Variants in PRIM2 observed in about 807,000 individuals in gnomAD.
The protein encoded by PRIM2 is DNA primase subunit 2, also known as DNA primase large subunit.
Under a neutral mutation model 67.3 loss-of-function variants are expected in PRIM2, and 39 were observed. The observed-to-expected ratio is 0.58, with a 90% CI of 0.45 to 0.76. The LOEUF (loss-of-function observed/expected upper bound fraction) is 0.76, where lower values mean the gene tolerates loss of function less well. Ranked by LOEUF, PRIM2 falls within the 30% of genes least tolerant of loss-of-function variation. The pLI, the probability that PRIM2 is intolerant of heterozygous loss-of-function variation, is 0.00. For missense variants in PRIM2, 398 were observed against 598.7 expected (o/e 0.66, Z 3.50); for synonymous variants, 143 against 198.7 (o/e 0.72, Z 2.36).
the PRIM2 span, among the ~76,000 whole-genome samples, chr6:57,254,833 G>A: frequency 2.2e-4 from 33 of 152,288 alleles, no homozygotes; most frequent in African/African-American, 6.7e-4. Flanking sequence ...GGCTCCAGAG[G>A]AAGGTCTTCA....
At chr6:57,561,100 T>A (rs1775618021) in intron 10 of PRIM2, among the ~76,000 whole-genome samples, 1 of 152,228 alleles carries the variant, frequency 6.6e-6, no homozygotes, top group Non-Finnish European at 1.5e-5. Context: ...CTTTGTCATC[T>A]TAGCTAGTTC....
intron 7 of PRIM2, among the ~76,000 whole-genome samples, chr6:57,416,719 C>G (rs1771275290): frequency 6.6e-6 from 1 of 152,180 alleles, no homozygotes; most frequent in African/African-American, 2.4e-5. Flanking sequence ...TTCTGAAGCT[C>G]TTGCTGCTTC....
intron 10 of PRIM2, among the ~76,000 whole-genome samples, chr6:57,595,463 C>T (rs1391165626): frequency 6.6e-6 from 1 of 152,040 alleles, no homozygotes; most frequent in Non-Finnish European, 1.5e-5. Flanking sequence ...AACTAGAGCT[C>T]GTGCAGATCT....
intron 5 of PRIM2, among the ~76,000 whole-genome samples, chr6:57,364,550 G>A (rs1191280126): frequency 6.6e-6 from 1 of 152,150 alleles, no homozygotes; most frequent in Non-Finnish European, 1.5e-5. Flanking sequence ...GCTTTGCTCA[G>A]TGACAAGTCA....
At chr6:57,569,901 G>A (rs1364126734) in intron 10 of PRIM2, among the ~76,000 whole-genome samples, 6 of 152,080 alleles carry the variant, frequency 3.9e-5, no homozygotes, top group Non-Finnish European at 7.4e-5. Context: ...GTGCCACCAC[G>A]CCCAGCTAAT....
chr6:57,364,604 C>G (rs1277279298), intron 5 of PRIM2, among the ~76,000 whole-genome samples: 1 of 152,064 alleles, frequency 6.6e-6, no homozygotes. Context: ...GATGGTGGGT[C>G]AATTCTAGTT....
chr6:57,429,472 C>A (rs1478594545), intron 7 of PRIM2, among the ~76,000 whole-genome samples: 1 of 152,124 alleles, frequency 6.6e-6, no homozygotes, highest in Non-Finnish European at 1.5e-5. Flanking sequence ...AAGGCCCAGT[C>A]AGAAAGAGGA....
At chr6:57,427,825 G>A (rs1374823119) in intron 7 of PRIM2, among the ~76,000 whole-genome samples, 2 of 152,110 alleles carry the variant, frequency 1.3e-5, no homozygotes, top group African/African-American at 2.4e-5. Context: ...CAGAATTCTT[G>A]AATCCTTTAT....
the PRIM2 span, among the ~76,000 whole-genome samples, chr6:57,298,218 G>A: frequency 1.6e-4 from 24 of 152,072 alleles, no homozygotes; most frequent in East Asian, 5.8e-4. Context: ...AAAATTAACC[G>A]GGCATGGTGG....
At chr6:57,539,584 GTGTC>G (rs1393693438) in intron 10 of PRIM2, among the ~76,000 whole-genome samples, 1 of 151,350 alleles carries the variant, frequency 6.6e-6, no homozygotes, top group African/African-American at 2.4e-5. Flanking sequence ...GTGTGTGTGT[GTGTC>G]AATTATAGTT....
intron 7 of PRIM2, among the ~76,000 whole-genome samples, chr6:57,454,813 C>T (rs1772702084): frequency 6.6e-6 from 1 of 152,070 alleles, no homozygotes; most frequent in African/African-American, 2.4e-5. Flanking sequence ...TTAATTATTT[C>T]TTGCCTTCTG....
At chr6:57,541,471 G>T (rs1476066193) in intron 10 of PRIM2, among the ~76,000 whole-genome samples, 3 of 152,060 alleles carry the variant, frequency 2.0e-5, no homozygotes, top group Non-Finnish European at 4.4e-5. Flanking sequence ...GTGAATATAT[G>T]TAATATTCAA....
chr6:57,473,232 T>C (rs1169613817), intron 7 of PRIM2, among the ~76,000 whole-genome samples: 39 of 152,288 alleles, frequency 2.6e-4, no homozygotes, highest in African/African-American at 8.9e-4. Flanking sequence ...TGTTTAACAT[T>C]GTAGGGTGAT....
chr6:57,315,436 T>TAC (rs1491229965), upstream of PRIM2, among the ~76,000 whole-genome samples: 1 of 152,144 alleles, frequency 6.6e-6, no homozygotes, highest in African/African-American at 2.4e-5. Context: ...TTTAAAGAAC[T>TAC]ACACCATATG....
At chr6:57,514,278 A>G (rs1442555369) in intron 8 of PRIM2, among the ~76,000 whole-genome samples, 2 of 152,176 alleles carry the variant, frequency 1.3e-5, no homozygotes, top group African/African-American at 4.8e-5. Context: ...TTACTATCCA[A>G]AGTGGTACAG....
intron 5 of PRIM2, among the ~76,000 whole-genome samples, chr6:57,353,139 C>CA (rs57281233): frequency 0.12 from 6,880 of 57,368 alleles, 261 homozygotes; most frequent in African/African-American, 0.19. Flanking sequence ...GGTGAAATCC[C>CA]AAAAAAAAAA....
intron 5 of PRIM2, among the ~76,000 whole-genome samples, chr6:57,352,516 G>T (rs1013219137): frequency 3.3e-5 from 5 of 152,166 alleles, no homozygotes; most frequent in African/African-American, 1.2e-4. Context: ...TGGGATTACA[G>T]GTGTGAGCCA....
Position 57,379,993 on chromosome 6 carries a change from T to C in PRIM2, c.552T>C (p.Tyr184=), listed in dbSNP as rs377095982. 6.4e-7 allele frequency: 1 copy of C among 1,552,958 alleles called. No homozygotes were observed. The highest frequency in any genetic ancestry group is 8.7e-7 in the Non-Finnish European group (1 of 1,147,464). ...SGLKLGFESI[Y]KIPFADALDL... ...TTAAGTTGGGGTTCGAGTCCATTTA[T>C]AAGGTATGTAAACATGTAAAATACT... is the stretch of plus-strand genomic sequence containing the variant. The change falls in exon 6 of 14, where the codon TAT becomes TAC. Residue 184 remains tyrosine (Y), a synonymous_variant. Transcript: ENST00000615550.
At chr6:57,286,743 C>T in the PRIM2 span, among the ~76,000 whole-genome samples, 8,757 of 152,120 alleles carry the variant, frequency 0.058, 268 homozygotes, top group Non-Finnish European at 0.072. Context: ...GCAACAAAAG[C>T]CGAAATTGAA....
Sources: allele counts gnomAD v4.1 joint callset (sites outside exome capture counted in the v4.1 genomes callset), GRCh38; gene constraint gnomAD v4.1.1; transcripts MANE v1.5; gene names NCBI Gene and HGNC (gene_info 2026-07-23, HGNC 2026-07-21).